TSKU: variants seen among roughly 807,000 people sequenced by gnomAD.
TSKU encodes the protein tsukushi, small leucine rich proteoglycan, also known as tsukushi.
A neutral mutation model predicts 11.2 loss-of-function variants in TSKU; 4 were observed. That is an observed-to-expected ratio of 0.36 (90% CI 0.18 to 0.82). The LOEUF (loss-of-function observed/expected upper bound fraction) is 0.82, where lower values mean the gene tolerates loss of function less well. Among genes scored for constraint, TSKU ranks in the 40% least tolerant of loss-of-function variants. The probability of loss-of-function intolerance (pLI) is 0.50; values close to 1 mark genes in which losing one functional copy is unlikely to be tolerated. For missense variants in TSKU, 407 were observed against 482.5 expected, an observed-to-expected ratio of 0.84 and a Z score of 1.47; for synonymous variants, 220 against 232.2, an observed-to-expected ratio of 0.95 and a Z score of 0.48.
In TSKU at chr11:76,796,615, CA is replaced by C; in HGVS notation, c.1001del (p.Lys334ArgfsTer7). 6.7e-7 allele frequency: 1 copy of C among 1,490,564 alleles called. No homozygotes were observed. The highest frequency in any genetic ancestry group is 8.9e-7 in the Non-Finnish European group (1 of 1,119,390). 92.3% of individuals were successfully genotyped at this position (1,490,564 alleles called of 1,614,324 possible). ...ACCCCCGGAGGCCTGGCTCCAGCCC[CA>C]AGGTGGCCCTGCACTGCGTAGACAC... ...TYPRRPGSSP[K>X]VALHCVDTRD... On this transcript the variant is annotated frameshift_variant, in exon 2 of 2. Coordinates refer to ENST00000333090, the MANE Select transcript of TSKU (RefSeq NM_015516.4). LOFTEE classifies it high-confidence loss of function. The surrounding 1 kb of genome is among the most constrained non-coding windows in gnomAD (Gnocchi z 4.1).
chr11:76,796,853 A>G lies in TSKU; in HGVS notation c.*175A>G, dbSNP rs1395408416. 2 of 463,374 alleles carry G rather than the reference A, an allele frequency of 4.3e-6. No homozygotes were observed. Among genetic ancestry groups the G allele is most frequent in the Non-Finnish European group, 7.6e-6 (2 of 264,778 alleles). 28.7% of individuals were successfully genotyped at this position (463,374 alleles called of 1,614,324 possible). ...TTTGGACCTGGGAGCCACACCTAGG[A>G]GCAAAGTCTCACCCCTTTGTCTACG... On this transcript the variant is annotated 3_prime_UTR_variant, in exon 2 of 2. Transcript: ENST00000333090. The surrounding 1 kb of genome is among the most constrained non-coding windows in gnomAD (Gnocchi z 4.1).
chr11:76,794,234 AC>A (rs1210789991), intron 1 of TSKU, among the ~76,000 whole-genome samples: 1 of 152,216 alleles, frequency 6.6e-6, no homozygotes, highest in African/African-American at 2.4e-5. Flanking sequence ...ACCACTGAGC[AC>A]CACCATCCCA....
rs1944465865 is a variant in TSKU, at chr11:76,797,235, G to A, written c.*557G>A. ...CCACCCTTCTCATGTGACAGATGGG[G>A]AAACTGAGGCCTTGAGAAGGAAAAA... On this transcript the variant is annotated 3_prime_UTR_variant, in exon 2 of 2. Transcript: ENST00000333090. 6.0e-6 allele frequency: 1 copy of A among 167,184 alleles called. No individual in the cohort carries two copies. The highest frequency in any genetic ancestry group is 1.5e-5 in the Non-Finnish European group (1 of 68,162). The allele number at this position is 167,184 out of a possible 1,614,324, so 10.4% of individuals were successfully genotyped here. A position where few individuals can be genotyped will look rare whatever the true frequency, so the allele number is the denominator to read the frequency against.
chr11:76,787,130 G>C (rs1413060031), intron 1 of TSKU, among the ~76,000 whole-genome samples: 1 of 152,142 alleles, frequency 6.6e-6, no homozygotes, highest in Non-Finnish European at 1.5e-5. Flanking sequence ...TTACAGACGA[G>C]GACTCAGAGG....
chr11:76,784,774 G>A (rs1944294577), intron 1 of TSKU, among the ~76,000 whole-genome samples: 2 of 151,162 alleles, frequency 1.3e-5, no homozygotes, highest in Non-Finnish European at 2.9e-5. Context: ...CAGAGCTGCA[G>A]GAGCCTGCTG....
chr11:76,786,643 A>G (rs1279005015), intron 1 of TSKU, among the ~76,000 whole-genome samples: 1 of 151,988 alleles, frequency 6.6e-6, no homozygotes, highest in Non-Finnish European at 1.5e-5. Flanking sequence ...CTTGAGCCTG[A>G]CCTGGACAGG....
chr11:76,790,641 T>C (rs1944359373), intron 1 of TSKU, among the ~76,000 whole-genome samples: 1 of 152,178 alleles, frequency 6.6e-6, no homozygotes, highest in South Asian at 2.1e-4. Context: ...CATTGTATCT[T>C]GCCACTGCCA....
chr11:76,786,747 T>C (rs1379438220), intron 1 of TSKU, among the ~76,000 whole-genome samples: 1 of 152,136 alleles, frequency 6.6e-6, no homozygotes, highest in African/African-American at 2.4e-5. Flanking sequence ...GAGCCCTCAT[T>C]CTGTCACAGG....
In TSKU at chr11:76,790,224, G is replaced by C. The variant is rs144937082; in HGVS notation, c.-8-5385G>C. Among the ~76,000 whole-genome samples, 990 of 152,272 alleles carry C rather than the reference G, an allele frequency of 6.5e-3. 8 individuals are homozygous for C. The highest frequency in any genetic ancestry group is 0.011 in the Non-Finnish European group (770 of 68,004). ...AGAGACTTGTTCAGAGATGAGATGA[G>C]GACAGTCCATGGCAGAGCAGGCACT... is the stretch of plus-strand genomic sequence containing the variant. On this transcript the variant is annotated intron_variant, in intron 1 of 1. Coordinates refer to ENST00000333090, the MANE Select transcript of TSKU (RefSeq NM_015516.4).
At chr11:76,782,472 C>T (rs1490835200), upstream of TSKU, 1 of 151,940 alleles carries the variant, frequency 6.6e-6, no homozygotes, top group Non-Finnish European at 1.5e-5. Flanking sequence ...GAGCCACCCA[C>T]ACACCTGACT....
intron 1 of TSKU, among the ~76,000 whole-genome samples, chr11:76,793,400 G>T (rs149870045): frequency 2.0e-5 from 3 of 152,242 alleles, no homozygotes; most frequent in Non-Finnish European, 4.4e-5. Flanking sequence ...TTAAAGAGGG[G>T]CAGCGAGAGG....
chr11:76,796,250 C>CTG lies in TSKU; in HGVS notation c.635_636dup (p.Asp213TrpfsTer6). On this transcript the variant is annotated frameshift_variant, in exon 2 of 2. Transcript: ENST00000333090. LOFTEE classifies it high-confidence loss of function. The surrounding 1 kb of genome is among the most constrained non-coding windows in gnomAD (Gnocchi z 4.1). ...AGACTTGCCCCTGCGCTACCTGAGCCTGGATGGGAACCCTCTAGCTGTCAT... is the reference window on the plus strand; with the variant it reads ...AGACTTGCCCCTGCGCTACCTGAGCCTGTGGATGGGAACCCTCTAGCTGTCAT... 1 of 1,613,556 alleles carries CTG rather than the reference C, an allele frequency of 6.2e-7. No individual in the cohort carries two copies. The highest frequency in any genetic ancestry group is 8.5e-7 in the Non-Finnish European group (1 of 1,179,996).
At chr11:76,795,538 G>A in intron 1 of TSKU, 71 bp from the exon 2 acceptor site, 1 of 1,533,492 alleles carries the variant, frequency 6.5e-7, no homozygotes, top group South Asian at 1.2e-5. Flanking sequence ...TGTCTAGACT[G>A]GGCTCATGTC....
chr11:76,782,322 A>G (rs1035270574), upstream of TSKU: 6 of 151,226 alleles, frequency 4.0e-5, no homozygotes, highest in Non-Finnish European at 8.8e-5. Context: ...TACATTGCCC[A>G]ATTTCTGCAC....
At chr11:76,784,049 A>C in intron 1 of TSKU, 1 of 152,452 alleles carries the variant, frequency 6.6e-6, no homozygotes, top group Non-Finnish European at 1.5e-5. Flanking sequence ...CTGAGGTCCC[A>C]GGACAGCAAG....
intron 1 of TSKU, among the ~76,000 whole-genome samples, chr11:76,795,027 T>C (rs1367640969): frequency 6.6e-6 from 1 of 152,146 alleles, no homozygotes; most frequent in Non-Finnish European, 1.5e-5. Context: ...ATTTTCTGCC[T>C]TGGAAGGTGG....
rs1020317329 is a variant in TSKU at position 76,796,241 on chromosome 11, T to C, written c.625T>C (p.Tyr209His). The change falls in exon 2 of 2, where the codon TAC becomes CAC. Residue 209 changes from tyrosine (Y) to histidine (H), a missense_variant. Tyr to His is a moderately conservative substitution (Grantham distance 83, BLOSUM62 2). Coordinates refer to ENST00000333090, the MANE Select transcript of TSKU (RefSeq NM_015516.4). This position sits in a 1 kb window ranked among gnomAD's most constrained non-coding sequence, Gnocchi z 4.1. ...VPNLRDLPLR[Y>H]LSLDGNPLAV... Reference sequence around the variant, plus strand: ...CAACCTCCGAGACTTGCCCCTGCGCTACCTGAGCCTGGATGGGAACCCTCT... The same window carrying C: ...CAACCTCCGAGACTTGCCCCTGCGCCACCTGAGCCTGGATGGGAACCCTCT... 4.3e-6 allele frequency: 7 copies of C among 1,613,380 alleles called. No individual in the cohort carries two copies. Among genetic ancestry groups the C allele is most frequent in the Non-Finnish European group, 5.9e-6 (7 of 1,179,978 alleles).
Position 76,796,177 on chromosome 11 carries a change from G to C in TSKU, c.561G>C (p.Gln187His). The C allele has an allele frequency of 6.2e-7, 1 of 1,613,608 alleles. No individual in the cohort carries two copies. Among genetic ancestry groups the C allele is most frequent in the Non-Finnish European group, 8.5e-7 (1 of 1,180,000 alleles). Residue 187 changes from glutamine to histidine, a missense_variant, in exon 2 of 2, where the codon CAG (glutamine) becomes CAC (histidine). Gln to His is a conservative substitution (Grantham distance 24). Coordinates refer to ENST00000333090, the MANE Select transcript of TSKU (RefSeq NM_015516.4). This position sits in a 1 kb window ranked among gnomAD's most constrained non-coding sequence, Gnocchi z 4.1. ...CCGGCCTGCCTGCGCCCACCATTCA[G>C]AGCCTGAACCTGGCCTGGAACCGGC... Reference protein sequence around the residue: ...TRAGLPAPTIQSLNLAWNRLH... With the variant: ...TRAGLPAPTIHSLNLAWNRLH...
intron 1 of TSKU, among the ~76,000 whole-genome samples, chr11:76,789,823 T>C (rs543969390): frequency 6.6e-5 from 10 of 152,242 alleles, no homozygotes; most frequent in Non-Finnish European, 1.3e-4. Flanking sequence ...AGGGAGGCAG[T>C]GTGAATACTG....
Sources: gnomAD v4.1 joint callset for allele counts (sites outside exome capture counted in the v4.1 genomes callset) on GRCh38, gnomAD v4.1.1 for gene constraint, Gnocchi (gnomAD v3.1) non-coding constraint, MANE v1.5 for transcripts, NCBI Gene and HGNC (gene_info 2026-07-23, HGNC 2026-07-21) for gene names.